PDZRN4: variants seen among roughly 807,000 people sequenced by gnomAD.
PDZRN4 encodes PDZ domain containing ring finger 4.
In PDZRN4, 70 loss-of-function variants were observed where a neutral mutation model predicts 99.0. That is an observed-to-expected ratio of 0.71 (90% CI 0.58 to 0.86). PDZRN4 has a LOEUF of 0.86. Ranked by LOEUF, PDZRN4 falls within the 40% of genes least tolerant of loss-of-function variation. The pLI is 0.00. For synonymous variants in PDZRN4, 551 were observed against 501.6 expected, an observed-to-expected ratio of 1.10 and a Z score of -1.32; for missense variants, 1,474 against 1,331.2, an observed-to-expected ratio of 1.11 and a Z score of -1.67.
At chr12:41,197,587 A>G (rs1463287078) in intron 3 of PDZRN4, among the ~76,000 whole-genome samples, 1 of 152,200 alleles carries the variant, frequency 6.6e-6, no homozygotes, top group Non-Finnish European at 1.5e-5. Context: ...ATATCACTGG[A>G]GACTGAAAAG....
intron 3 of PDZRN4, among the ~76,000 whole-genome samples, chr12:41,204,156 A>G (rs567375312): frequency 6.6e-6 from 1 of 152,086 alleles, no homozygotes; most frequent in South Asian, 2.1e-4. Context: ...GTAGTCCACT[A>G]CCACAGAGGT....
intron 3 of PDZRN4, among the ~76,000 whole-genome samples, chr12:41,472,978 C>T (rs1213120537): frequency 6.6e-6 from 1 of 152,130 alleles, no homozygotes; most frequent in African/African-American, 2.4e-5. Context: ...ACTAAGCATG[C>T]CATTATTGAG....
intron 3 of PDZRN4, among the ~76,000 whole-genome samples, chr12:41,338,726 C>T (rs767772909): frequency 1.3e-5 from 2 of 151,824 alleles, no homozygotes; most frequent in Non-Finnish European, 2.9e-5. Flanking sequence ...ATTCTTAAGA[C>T]ACATACAAGC....
chr12:41,385,218 G>A (rs1008243584), intron 3 of PDZRN4, among the ~76,000 whole-genome samples: 8 of 152,158 alleles, frequency 5.3e-5, no homozygotes, highest in Non-Finnish European at 1.0e-4. Context: ...AAATTCTGGG[G>A]AGGAGTTGCA....
intron 3 of PDZRN4, chr12:41,438,146 G>A (rs1409484231): frequency 3.2e-5 from 35 of 1,108,248 alleles, no homozygotes; most frequent in Non-Finnish European, 4.4e-5. Flanking sequence ...TGCTGGTTTG[G>A]GGCTTTTAAT....
intron 1 of PDZRN4, among the ~76,000 whole-genome samples, chr12:41,189,727 C>T (rs1367034693): frequency 6.6e-6 from 1 of 152,208 alleles, no homozygotes; most frequent in Non-Finnish European, 1.5e-5. Flanking sequence ...TTTCATCACT[C>T]TGACTTTCCC....
chr12:41,540,074 T>C (rs1475129155), intron 5 of PDZRN4, among the ~76,000 whole-genome samples: 2 of 152,194 alleles, frequency 1.3e-5, no homozygotes, highest in Admixed American at 6.5e-5. Flanking sequence ...ATTTGTGCTA[T>C]TAAATGAGTT....
At chr12:41,327,687 C>T (rs1951718902) in intron 3 of PDZRN4, among the ~76,000 whole-genome samples, 1 of 152,154 alleles carries the variant, frequency 6.6e-6, no homozygotes, top group South Asian at 2.1e-4. Flanking sequence ...TTAAAGAACT[C>T]ACAGTCACCA....
chr12:41,402,889 T>C (rs1053829486), intron 3 of PDZRN4, among the ~76,000 whole-genome samples: 1 of 151,834 alleles, frequency 6.6e-6, no homozygotes, highest in African/African-American at 2.4e-5. Context: ...GTGTTTTGTG[T>C]GTAACGTGAG....
chr12:41,465,227 T>C (rs1952913368), intron 3 of PDZRN4, among the ~76,000 whole-genome samples: 1 of 152,178 alleles, frequency 6.6e-6, no homozygotes, highest in Admixed American at 6.5e-5. Flanking sequence ...CATCTACCAA[T>C]GCCCTTCTAC....
At chr12:41,304,794 C>G (rs1435420371) in intron 3 of PDZRN4, among the ~76,000 whole-genome samples, 1 of 152,172 alleles carries the variant, frequency 6.6e-6, no homozygotes, top group Non-Finnish European at 1.5e-5. Flanking sequence ...ATGCAGCAAG[C>G]ACAGAATGCA....
At chr12:41,504,800 A>G (rs1024524780) in intron 3 of PDZRN4, among the ~76,000 whole-genome samples, 1 of 152,198 alleles carries the variant, frequency 6.6e-6, no homozygotes, top group Non-Finnish European at 1.5e-5. Flanking sequence ...CATGAAAAAA[A>G]GAATCAGACA....
chr12:41,202,545 C>G (rs1380728471), intron 3 of PDZRN4, among the ~76,000 whole-genome samples: 1 of 152,018 alleles, frequency 6.6e-6, no homozygotes, highest in Non-Finnish European at 1.5e-5. Context: ...AGCCACATCA[C>G]AGTTCCATGG....
Position 41,547,211 on chromosome 12 carries a change from C to A in PDZRN4, c.1204-5445C>A, listed in dbSNP as rs192811547. ...TAAACAGAAGTGTCTTCCTGGTTTC[C>A]TTCTATAGCTTTGTTCTTTGTTTTA... On this transcript the variant is annotated intron_variant, in intron 5 of 9. Transcript: ENST00000402685. Among the ~76,000 whole-genome samples the A allele has an allele frequency of 2.7e-3, 406 of 152,274 alleles. 1 individual carries two copies. The highest frequency in any genetic ancestry group is 4.2e-3 in the Non-Finnish European group (286 of 68,018).
At chr12:41,473,084 A>G (rs1257656673) in intron 3 of PDZRN4, among the ~76,000 whole-genome samples, 1 of 152,040 alleles carries the variant, frequency 6.6e-6, no homozygotes, top group Non-Finnish European at 1.5e-5. Flanking sequence ...GTTGGGTAAG[A>G]TATTACAGTT....
At chr12:41,317,763 C>T (rs766861836) in intron 3 of PDZRN4, among the ~76,000 whole-genome samples, 5 of 151,976 alleles carry the variant, frequency 3.3e-5, no homozygotes, top group East Asian at 3.9e-4. Flanking sequence ...ACATGGACTC[C>T]GGGCTCCACC....
chr12:41,352,597 T>G (rs1004825723), intron 3 of PDZRN4, among the ~76,000 whole-genome samples: 8 of 152,192 alleles, frequency 5.3e-5, no homozygotes, highest in Non-Finnish European at 1.0e-4. Context: ...AAGCTTATTG[T>G]GATAAGGCCT....
At chr12:41,207,422 AT>A (rs1190657858) in intron 3 of PDZRN4, among the ~76,000 whole-genome samples, 1 of 151,842 alleles carries the variant, frequency 6.6e-6, no homozygotes, top group Non-Finnish European at 1.5e-5. Flanking sequence ...TTATATAAAA[AT>A]GTTATATTTC....
intron 3 of PDZRN4, among the ~76,000 whole-genome samples, chr12:41,367,833 AAAC>A (rs1303689461): frequency 6.6e-6 from 1 of 152,116 alleles, no homozygotes. Context: ...TTGAAAACAA[AAAC>A]AAGGAAAAAA....
Sources: gnomAD v4.1 joint callset for allele counts (sites outside exome capture counted in the v4.1 genomes callset) on GRCh38, gnomAD v4.1.1 for gene constraint, MANE v1.5 for transcripts, NCBI Gene and HGNC (gene_info 2026-07-23, HGNC 2026-07-21) for gene names.